ESRP1: variants seen among roughly 807,000 people sequenced by gnomAD.
The protein encoded by ESRP1 is epithelial splicing regulatory protein 1, also known as RNA-binding motif protein 35A.
ESRP1 carries 33 observed loss-of-function variants against 81.7 expected under a neutral mutation model. That is an observed-to-expected ratio of 0.40 (90% CI 0.31 to 0.54). ESRP1 has a LOEUF of 0.54. Ranked by LOEUF, ESRP1 falls within the 20% of genes least tolerant of loss-of-function variation. The pLI is 0.41. For missense variants in ESRP1, 672 were observed against 833.1 expected, an observed-to-expected ratio of 0.81 and a Z score of 2.38; for synonymous variants, 320 against 303.3, an observed-to-expected ratio of 1.06 and a Z score of -0.57.
intron 15 of ESRP1, among the ~76,000 whole-genome samples, chr8:94,701,879 G>C (rs949388688): frequency 1.3e-4 from 20 of 152,302 alleles, no homozygotes; most frequent in African/African-American, 4.6e-4. Context: ...GGAAGTTCAA[G>C]AATAGCCTGG....
intron 13 of ESRP1, chr8:94,688,578 C>A: frequency 4.8e-6 from 1 of 208,218 alleles, no homozygotes; most frequent in Non-Finnish European, 1.0e-5. Flanking sequence ...AAGATGAAAA[C>A]ACACATGAGG....
At chr8:94,646,057 A>AT (rs1817833819) in intron 3 of ESRP1, 111 bp from the exon 4 acceptor site, 2 of 519,878 alleles carry the variant, frequency 3.8e-6, no homozygotes, top group Admixed American at 4.9e-5. Flanking sequence ...ATTAAATTTT[A>AT]AATTTTTCCA....
At chr8:94,673,344 G>A (rs563686198) in intron 11 of ESRP1, among the ~76,000 whole-genome samples, 1 of 152,318 alleles carries the variant, frequency 6.6e-6, no homozygotes, top group East Asian at 1.9e-4. Flanking sequence ...AAGGTTCTTA[G>A]ATGATGCACA....
At chr8:94,684,957 G>T (rs1479239233) in intron 13 of ESRP1, among the ~76,000 whole-genome samples, 1 of 151,380 alleles carries the variant, frequency 6.6e-6, no homozygotes, top group Non-Finnish European at 1.5e-5. Flanking sequence ...TGAGCCTGGA[G>T]ATTGAAGCTG....
intron 13 of ESRP1, among the ~76,000 whole-genome samples, chr8:94,682,932 A>ATATATTTATT (rs1808974140): frequency 5.5e-5 from 1 of 18,092 alleles, no homozygotes; most frequent in Non-Finnish European, 8.2e-5. Context: ...ATATATATAT[A>ATATATTTATT]TTTTTTTTTT....
chr8:94,692,321 C>T (rs1405720711), intron 13 of ESRP1, among the ~76,000 whole-genome samples: 2 of 152,014 alleles, frequency 1.3e-5, no homozygotes, highest in African/African-American at 4.8e-5. Context: ...CCTCTTCATG[C>T]CTTAGTGTTC....
chr8:94,686,001 G>T (rs12548165), intron 13 of ESRP1, among the ~76,000 whole-genome samples: 46,381 of 152,134 alleles, frequency 0.3, 8,689 homozygotes, highest in East Asian at 0.56. Context: ...AGGCTGGAGT[G>T]CAGTGGTGCA....
chr8:94,663,179 G>A (rs976450068), intron 6 of ESRP1, among the ~76,000 whole-genome samples: 4 of 152,170 alleles, frequency 2.6e-5, no homozygotes, highest in Non-Finnish European at 4.4e-5. Flanking sequence ...AGGAGAAATT[G>A]TAGGCTTTAA....
rs777960348 is a variant in ESRP1 at position 94,665,112 on chromosome 8, G to GCTC, written c.889-42_889-41insCTC. The stretch of plus-strand genomic sequence containing the variant: ...ACATCGTGAATGAGAATTAACATAG[G>GCTC]ACGGAAGGCTCAGAAACACTAACTT... On this transcript the variant is annotated intron_variant, in intron 8 of 15. Transcript: ENST00000433389. 16 of 1,613,760 alleles carry GCTC rather than the reference G, an allele frequency of 9.9e-6. No individual in the cohort carries two copies. The South Asian group carries it at 1.8e-4, about 18-fold the overall frequency.
intron 4 of ESRP1, chr8:94,649,440 T>TCTC (rs112016373): frequency 0.77 from 116,891 of 151,696 alleles, 46,429 homozygotes; most frequent in Middle Eastern, 0.88. Flanking sequence ...CTCAAGCAAT[T>TCTC]CTGCCTCAGC....
intron 4 of ESRP1, among the ~76,000 whole-genome samples, chr8:94,661,178 T>C (rs568211381): frequency 8.5e-5 from 13 of 152,202 alleles, no homozygotes; most frequent in Non-Finnish European, 1.6e-4. Flanking sequence ...GTAGCTGAGA[T>C]TACAGGCATG....
At chr8:94,693,157 G>A (rs1044092615) in intron 14 of ESRP1, among the ~76,000 whole-genome samples, 1 of 152,136 alleles carries the variant, frequency 6.6e-6, no homozygotes, top group Non-Finnish European at 1.5e-5. Flanking sequence ...TTGGCTAAGG[G>A]GTTTTATTCA....
intron 14 of ESRP1, 98 bp downstream of exon 14, chr8:94,692,925 C>T (rs756854763): frequency 1.7e-5 from 22 of 1,318,466 alleles, no homozygotes; most frequent in Admixed American, 2.2e-5. Flanking sequence ...CTATGAAACT[C>T]GTGTGTGTAT....
rs1817578391 is a variant in ESRP1, at chr8:94,641,349, C to A, written c.31C>A (p.Leu11Ile). The A allele has an allele frequency of 3.1e-6, 5 of 1,608,822 alleles. No homozygotes were observed. In the East Asian group the frequency reaches 6.7e-5, roughly 22 times the overall value. ...GGCCTCTCCGGATTACTTGGTGGTG[C>A]TTTTTGGGATCACTGCTGGGGCCAC... The part of the protein sequence containing the change: MTASPDYLVV[L>I]FGITAGATGA... Residue 11 changes from leucine (L) to isoleucine (I), a missense_variant, in exon 1 of 16, where the codon CTT becomes ATT. By Grantham distance (5) the Leu-to-Ile change is conservative. Transcript: ENST00000433389.
intron 3 of ESRP1, among the ~76,000 whole-genome samples, chr8:94,643,809 A>G (rs1281926175): frequency 6.6e-6 from 1 of 152,226 alleles, no homozygotes; most frequent in African/African-American, 2.4e-5. Context: ...AATAACTACA[A>G]AGAGAGGAAA....
At chr8:94,660,448 C>G (rs539885722) in intron 4 of ESRP1, among the ~76,000 whole-genome samples, 6 of 151,388 alleles carry the variant, frequency 4.0e-5, no homozygotes, top group African/African-American at 1.5e-4. Context: ...CTAAAAAATA[C>G]AAAAATGAGG....
At chr8:94,663,997 G>A (rs1020199968) in intron 6 of ESRP1, among the ~76,000 whole-genome samples, 3 of 151,906 alleles carry the variant, frequency 2.0e-5, no homozygotes, top group African/African-American at 2.4e-5. Flanking sequence ...TCCTAAATTC[G>A]GCTGCTAAAC....
chr8:94,658,536 G>C (rs1388527319), intron 4 of ESRP1, among the ~76,000 whole-genome samples: 2 of 152,180 alleles, frequency 1.3e-5, no homozygotes, highest in African/African-American at 4.8e-5. Flanking sequence ...ATTTGGTTAG[G>C]GGATTAAGAT....
intron 11 of ESRP1, among the ~76,000 whole-genome samples, chr8:94,672,550 T>G (rs1819379529): frequency 6.6e-6 from 1 of 150,940 alleles, no homozygotes; most frequent in Non-Finnish European, 1.5e-5. Flanking sequence ...TTTTTTTTTT[T>G]GAGACAGAGT....
Sources: gnomAD v4.1 joint callset for allele counts (sites outside exome capture counted in the v4.1 genomes callset) on GRCh38, gnomAD v4.1.1 for gene constraint, MANE v1.5 for transcripts, NCBI Gene and HGNC (gene_info 2026-07-23, HGNC 2026-07-21) for gene names.